FBXL7: variants seen among roughly 807,000 people sequenced by gnomAD.
The protein encoded by FBXL7 is F-box and leucine rich repeat protein 7, also known as F-box/LRR-repeat protein 7.
A neutral mutation model predicts 38.3 loss-of-function variants in FBXL7; 12 were observed. That is an observed-to-expected ratio of 0.31 (90% confidence interval 0.20 to 0.51). The LOEUF (loss-of-function observed/expected upper bound fraction) is 0.51. Among genes scored for constraint, FBXL7 ranks in the 20% least tolerant of loss-of-function variants. FBXL7 has a pLI of 0.98. For synonymous variants in FBXL7, 297 were observed against 300.9 expected, an observed-to-expected ratio of 0.99 and a Z score of 0.13; for missense variants, 567 against 676.4, an observed-to-expected ratio of 0.84 and a Z score of 1.79.
chr5:15,703,030 C>G (rs1428990432), intron 2 of FBXL7, among the ~76,000 whole-genome samples: 3 of 152,138 alleles, frequency 2.0e-5, no homozygotes, highest in Non-Finnish European at 4.4e-5. Flanking sequence ...AAGGCAGTAA[C>G]AGGCCATTTT....
At chr5:15,723,079 T>C (rs1426908386) in intron 2 of FBXL7, among the ~76,000 whole-genome samples, 2 of 152,192 alleles carry the variant, frequency 1.3e-5, no homozygotes, top group Admixed American at 6.5e-5. Flanking sequence ...TAAAATATTA[T>C]GGTAAATTGT....
intron 2 of FBXL7, among the ~76,000 whole-genome samples, chr5:15,911,500 C>T (rs1305052624): frequency 7.3e-6 from 1 of 137,512 alleles, no homozygotes; most frequent in African/African-American, 3.5e-5. Context: ...GTAATTTGAT[C>T]GTCTGAAGCC....
intron 2 of FBXL7, among the ~76,000 whole-genome samples, chr5:15,809,602 ATTCG>A (rs1463094075): frequency 6.6e-6 from 1 of 152,132 alleles, no homozygotes; most frequent in Non-Finnish European, 1.5e-5. Context: ...TAAAATAATC[ATTCG>A]TGCACATAAA....
At position 15,840,654 on chromosome 5, in the gene FBXL7, C is replaced by G. The variant is rs186358735; in HGVS notation, c.128-87236C>G. Among the ~76,000 whole-genome samples, 367 of 152,120 alleles carry G rather than the reference C, an allele frequency of 2.4e-3. 6 individuals are homozygous for G. The highest frequency in any genetic ancestry group is 0.021 in the Admixed American group (316 of 15,272). On this transcript the variant is annotated intron_variant, in intron 2 of 3. Coordinates refer to ENST00000504595, the MANE Select transcript of FBXL7 (RefSeq NM_012304.5). ...ACGAGGTCAAGGGATGGAGACCATCCTGGCCAGCGTGGTGAAACCCCGTCT... is the reference window on the plus strand; with the variant it reads ...ACGAGGTCAAGGGATGGAGACCATCGTGGCCAGCGTGGTGAAACCCCGTCT...
intron 1 of FBXL7, among the ~76,000 whole-genome samples, chr5:15,526,043 G>A (rs1409499730): frequency 2.0e-5 from 3 of 152,246 alleles, no homozygotes; most frequent in Admixed American, 6.5e-5. Flanking sequence ...ATGATGTGGG[G>A]GTGATGAAAG....
chr5:15,584,134 G>A (rs1450219561), intron 1 of FBXL7, among the ~76,000 whole-genome samples: 1 of 152,178 alleles, frequency 6.6e-6, no homozygotes, highest in African/African-American at 2.4e-5. Flanking sequence ...TCTTGGGGCT[G>A]CACAGAGCAG....
chr5:15,679,537 G>A (rs1742775837), intron 2 of FBXL7, among the ~76,000 whole-genome samples: 1 of 144,164 alleles, frequency 6.9e-6, no homozygotes, highest in South Asian at 2.2e-4. Flanking sequence ...GGGACTATTA[G>A]CAGCCATAAT....
At chr5:15,662,566 T>G (rs1255641671) in intron 2 of FBXL7, among the ~76,000 whole-genome samples, 1 of 152,164 alleles carries the variant, frequency 6.6e-6, no homozygotes, top group African/African-American at 2.4e-5. Flanking sequence ...TGTCATTAAA[T>G]TTTTGCTTGT....
chr5:15,833,088 G>A (rs1738500349), intron 2 of FBXL7, among the ~76,000 whole-genome samples: 2 of 152,150 alleles, frequency 1.3e-5, no homozygotes, highest in South Asian at 4.1e-4. Context: ...CCAGCCATGT[G>A]GAACTGTGAA....
chr5:15,686,849 A>G (rs1743030660), intron 2 of FBXL7, among the ~76,000 whole-genome samples: 1 of 152,220 alleles, frequency 6.6e-6, no homozygotes, highest in Non-Finnish European at 1.5e-5. Flanking sequence ...CTGAGCCAAG[A>G]AGTATGCTGA....
rs142570716 is a variant in FBXL7, at chr5:15,574,910, C to A, written c.38-41073C>A. Reference sequence around the variant, plus strand: ...TCAACTAGTTGCTCATATCTCTTAGCCATTCTGACTTGAAATCTTTGTAGT... The same window carrying A: ...TCAACTAGTTGCTCATATCTCTTAGACATTCTGACTTGAAATCTTTGTAGT... On this transcript the variant is annotated intron_variant, in intron 1 of 3. Transcript: ENST00000504595. Among the ~76,000 whole-genome samples, 1,344 of 151,152 alleles carry A rather than the reference C, an allele frequency of 8.9e-3. 14 individuals carry two copies. The highest frequency in any genetic ancestry group is 0.015 in the South Asian group (70 of 4,770).
At chr5:15,775,606 T>C (rs1736837900) in intron 2 of FBXL7, among the ~76,000 whole-genome samples, 2 of 152,078 alleles carry the variant, frequency 1.3e-5, no homozygotes, top group Admixed American at 1.3e-4. Flanking sequence ...GTATCAGATG[T>C]CAGTGATTTA....
At chr5:15,927,542 C>T (rs1200309808) in intron 2 of FBXL7, among the ~76,000 whole-genome samples, 4 of 152,076 alleles carry the variant, frequency 2.6e-5, no homozygotes, top group Admixed American at 6.5e-5. Context: ...TAGGCCAAGG[C>T]GGGCGGATGA....
intron 1 of FBXL7, among the ~76,000 whole-genome samples, chr5:15,593,973 TA>T (rs1739549100): frequency 6.6e-6 from 1 of 152,232 alleles, no homozygotes; most frequent in Admixed American, 6.5e-5. Flanking sequence ...TGAACCTTTT[TA>T]ACCTATGAAA....
rs1361211598 is a variant in FBXL7, at chr5:15,809,149, A to T, written c.128-118741A>T. On this transcript the variant is annotated intron_variant, in intron 2 of 3. Coordinates refer to ENST00000504595, the MANE Select transcript of FBXL7 (RefSeq NM_012304.5). ...AAAAAAGTTGTGCATCAATGTCTGC[A>T]TATCACAAACATCTGTGGACGCCTG... Among the ~76,000 whole-genome samples the T allele has an allele frequency of 3.3e-5, 5 of 152,356 alleles. No individual in the cohort carries two copies. The South Asian group carries it at 1.0e-3, about 32-fold the overall frequency.
intron 2 of FBXL7, among the ~76,000 whole-genome samples, chr5:15,725,515 A>C (rs1193493340): frequency 6.6e-6 from 1 of 152,134 alleles, no homozygotes; most frequent in Admixed American, 6.5e-5. Flanking sequence ...ACTTTGTATG[A>C]TATCTGTCAT....
At chr5:15,801,669 G>A (rs1462161509) in intron 2 of FBXL7, among the ~76,000 whole-genome samples, 4 of 76,762 alleles carry the variant, frequency 5.2e-5, no homozygotes, top group Admixed American at 1.1e-4. Flanking sequence ...GCGCGCGCGT[G>A]TGTGTGTGTT....
Position 15,897,211 on chromosome 5 carries a change from A to G in FBXL7, c.128-30679A>G, listed in dbSNP as rs74586742. Reference sequence around the variant, plus strand: ...AACAAAATTTTGAAGGGTCTTCTAAATTTAACAAATATTTATCCAGTCTTC... The same window carrying G: ...AACAAAATTTTGAAGGGTCTTCTAAGTTTAACAAATATTTATCCAGTCTTC... On this transcript the variant is annotated intron_variant, in intron 2 of 3. Coordinates refer to ENST00000504595, the MANE Select transcript of FBXL7 (RefSeq NM_012304.5). Among the ~76,000 whole-genome samples the G allele has an allele frequency of 7.0e-3, 1,061 of 152,278 alleles. 19 individuals are homozygous for G. The highest frequency in any genetic ancestry group is 0.024 in the African/African-American group (1,007 of 41,546).
chr5:15,625,013 C>A (rs1740767532), intron 2 of FBXL7, among the ~76,000 whole-genome samples: 2 of 151,946 alleles, frequency 1.3e-5, no homozygotes, highest in South Asian at 4.2e-4. Context: ...TTGGAGTATC[C>A]AGAGGTCCTC....
Sources: gnomAD v4.1 joint callset for allele counts (sites outside exome capture counted in the v4.1 genomes callset) on GRCh38, gnomAD v4.1.1 for gene constraint, MANE v1.5 for transcripts, NCBI Gene and HGNC (gene_info 2026-07-23, HGNC 2026-07-21) for gene names.